RHOT2: variants seen among roughly 807,000 people sequenced by gnomAD.
RHOT2 encodes the protein mitochondrial Rho GTPase 2.
A neutral mutation model predicts 81.6 loss-of-function variants in RHOT2; 90 were observed. The observed-to-expected ratio is 1.10, with a 90% CI of 0.93 to 1.31. RHOT2 has a LOEUF of 1.31. Among genes scored for constraint, RHOT2 ranks in the 40% most tolerant of loss-of-function variants. The pLI, the probability that RHOT2 is intolerant of heterozygous loss-of-function variation, is 0.00. For synonymous variants in RHOT2, 512 were observed against 370.9 expected (o/e 1.38, Z -4.37); for missense variants, 1,014 against 841.9 (o/e 1.20, Z -2.53).
At position 669,766 on chromosome 16, in the gene RHOT2, C is replaced by G. The variant is rs372289467; in HGVS notation, c.276+160C>G. On this transcript the variant is annotated intron_variant, in intron 5 of 18. Transcript: ENST00000315082. ...GAGTCACCCGGCCCTCTCCTGTGAT[C>G]CCACTTCCCCTGAGAGGGTCTGGGG... 1,171 of 716,818 alleles carry G rather than the reference C, an allele frequency of 1.6e-3. 22 individuals carry two copies. In the South Asian group the frequency reaches 0.019, roughly 11 times the overall value. The allele number at this position is 716,818 out of a possible 1,614,324, so 44.4% of individuals were successfully genotyped here.
chr16:669,448 T>C, intron 4 of RHOT2, 105 bp from the exon 5 acceptor site: 1 of 1,140,264 alleles, frequency 8.8e-7, no homozygotes, highest in East Asian at 2.5e-5. Flanking sequence ...ATGCTACCTG[T>C]GAGCTTCTGG....
In RHOT2 at chr16:672,389, G is replaced by T. The variant is rs774842942; in HGVS notation, c.1326+5G>T. 1 of 1,609,142 alleles carries T rather than the reference G, an allele frequency of 6.2e-7. No individual in the cohort carries two copies. On this transcript the variant is annotated splice_donor_5th_base_variant and intron_variant, in intron 15 of 18. Coordinates refer to ENST00000315082, the MANE Select transcript of RHOT2 (RefSeq NM_138769.3). ...TTTCTCGGCCGCGGCCTGGGGGTAA[G>T]CACCCTAGACTCCCCCACCACCCCA...
intron 15 of RHOT2, 45 bp downstream of exon 15, chr16:672,429 A>G: frequency 6.2e-7 from 1 of 1,608,416 alleles, no homozygotes; most frequent in Non-Finnish European, 8.5e-7. Flanking sequence ...CTCCAGGGGC[A>G]GGGCAGGGCA....
rs1413536774 is a variant in RHOT2 at position 671,173 on chromosome 16, T to C, written c.839T>C (p.Leu280Pro). The C allele has an allele frequency of 1.8e-5, 28 of 1,577,310 alleles. No homozygotes were observed. Among genetic ancestry groups the C allele is most frequent in the African/African-American group, 2.7e-5 (2 of 73,814 alleles). ...ILRRFGYSDALELTADYLSPL... is the reference protein window; with the variant it reads ...ILRRFGYSDAPELTADYLSPL... ...CGGCGCTTCGGCTACAGCGATGCCCTGGAGCTGACTGCGGACTATCTCTCC... is the reference window on the plus strand; with the variant it reads ...CGGCGCTTCGGCTACAGCGATGCCCCGGAGCTGACTGCGGACTATCTCTCC... Residue 280 changes from leucine (L) to proline (P), a missense_variant, in exon 11 of 19, where the codon CTG becomes CCG. Physicochemically the swap from Leu to Pro is moderately conservative, Grantham distance 98 (BLOSUM62 -3). Transcript: ENST00000315082.
intron 11 of RHOT2, among the ~76,000 whole-genome samples, chr16:671,479 G>A (rs1180632729): frequency 1.3e-5 from 2 of 152,210 alleles, no homozygotes; most frequent in African/African-American, 4.8e-5. Flanking sequence ...TCGGCAGCTT[G>A]GGGTGTGGCC....
intron 11 of RHOT2, chr16:671,420 G>GGGGGGGGGC: frequency 1.9e-6 from 1 of 520,640 alleles, no homozygotes; most frequent in Non-Finnish European, 3.4e-6. Flanking sequence ...GGGTGGGGGG[G>GGGGGGGGGC]CTGGCCCTTT....
At chr16:671,059 TC>T (rs751795239) in intron 10 of RHOT2, 23 bp from the exon 11 acceptor site, 6 of 1,605,444 alleles carry the variant, frequency 3.7e-6, no homozygotes, top group Non-Finnish European at 4.2e-6. Flanking sequence ...TGCCTGGTGC[TC>T]CCCCTGCTTT....
chr16:669,176 C>A, intron 4 of RHOT2: 1 of 403,266 alleles, frequency 2.5e-6, no homozygotes, highest in Non-Finnish European at 4.6e-6. Flanking sequence ...GAGGCAGGGG[C>A]CAAGGCGGCG....
In RHOT2 at chr16:670,259, A is replaced by C. The variant is rs755858247; in HGVS notation, c.340A>C (p.Ile114Leu). The C allele has an allele frequency of 2.7e-5, 43 of 1,612,466 alleles. No individual in the cohort carries two copies. The South Asian group carries it at 4.6e-4, about 17-fold the overall frequency. Residue 114 changes from isoleucine (I) to leucine (L), a missense_variant, in exon 7 of 19, where the codon ATC becomes CTC. Coordinates refer to ENST00000315082, the MANE Select transcript of RHOT2 (RefSeq NM_138769.3). The part of the protein sequence containing the change: ...GTTQGPRVPI[I>L]LVGNKSDLRS... ...GGGCCTTCAACCCAGGGTGCCCATC[A>C]TCCTAGTGGGCAACAAGTCAGACCT...
intron 11 of RHOT2, 110 bp from the exon 12 acceptor site, chr16:671,587 T>A: frequency 8.2e-7 from 1 of 1,219,094 alleles, no homozygotes; most frequent in Non-Finnish European, 1.2e-6. Context: ...AGCCTCTGGG[T>A]CCTGTAGGGA....
chr16:669,798 G>A (rs375161004), intron 5 of RHOT2, 192 bp downstream of exon 5: 9 of 646,792 alleles, frequency 1.4e-5, no homozygotes, highest in East Asian at 1.1e-4. Context: ...GGGGCGTCCC[G>A]CAGTCTGAGC....
In RHOT2 at chr16:670,656, T is replaced by C. The variant is rs755377545; in HGVS notation, c.541-19T>C. 4 of 1,611,092 alleles carry C rather than the reference T, an allele frequency of 2.5e-6. No individual in the cohort carries two copies. Among genetic ancestry groups the C allele is most frequent in the South Asian group, 2.2e-5 (2 of 91,060 alleles). On this transcript the variant is annotated intron_variant, in intron 8 of 18. Transcript: ENST00000315082. ...GTCGGCGTGGGTCACCTGAGGGTGC[T>C]GAGCCAACATCCCCACAGTTGAGGC...
chr16:668,888 G>A (rs753483436), intron 4 of RHOT2, 189 bp downstream of exon 4: 2 of 573,318 alleles, frequency 3.5e-6, no homozygotes, highest in Non-Finnish European at 6.0e-6. Flanking sequence ...CAGTCCAGTG[G>A]TGCTCCAGGG....
At position 673,660 on chromosome 16, in the gene RHOT2, G is replaced by T. The variant is rs2039331548; in HGVS notation, c.*54G>T. 1.3e-6 allele frequency: 2 copies of T among 1,570,948 alleles called. No homozygotes were observed. The highest frequency in any genetic ancestry group is 2.3e-5 in the South Asian group (2 of 86,330). On this transcript the variant is annotated 3_prime_UTR_variant, in exon 19 of 19. Transcript: ENST00000315082. Reference sequence around the variant, plus strand: ...GACCTGGGTGTGCCTCGCTGCTGGGGCTCTGCAGGGGCAGCACAGCTGGGG... The same window carrying T: ...GACCTGGGTGTGCCTCGCTGCTGGGTCTCTGCAGGGGCAGCACAGCTGGGG...
At chr16:672,902 T>TGCCTCGGCC in intron 17 of RHOT2, 26 bp from the exon 18 acceptor site, 1 of 1,612,724 alleles carries the variant, frequency 6.2e-7, no homozygotes, top group Non-Finnish European at 8.5e-7. Flanking sequence ...CCCAGGACTG[T>TGCCTCGGCC]ACCTCATACC....
chr16:671,834 A>G lies in RHOT2; in HGVS notation c.955-26A>G. 2.4e-6 allele frequency: 3 copies of G among 1,249,776 alleles called. No individual in the cohort carries two copies. In the Admixed American group the frequency reaches 6.7e-5, roughly 28 times the overall value. 77.4% of individuals were successfully genotyped at this position (1,249,776 alleles called of 1,614,324 possible). A position where few individuals can be genotyped will look rare whatever the true frequency, so the allele number is the denominator to read the frequency against. On this transcript the variant is annotated intron_variant, in intron 12 of 18. Transcript: ENST00000315082. The stretch of plus-strand genomic sequence containing the variant: ...TGCCCCCGCCCCCTCCCCGGCACAC[A>G]CATCACCACATCCCTCCTTCTGCAG...
intron 8 of RHOT2, 23 bp from the exon 9 acceptor site, chr16:670,652 G>A (rs754386824): frequency 5.6e-6 from 9 of 1,610,710 alleles, no homozygotes; most frequent in Non-Finnish European, 7.6e-6. Context: ...TCACCTGAGG[G>A]TGCTGAGCCA....
chr16:668,507 A>G lies in RHOT2; in HGVS notation c.116A>G (p.Glu39Gly), dbSNP rs1242820853. The G allele has an allele frequency of 6.2e-7, 1 of 1,607,950 alleles. No homozygotes were observed. The highest frequency in any genetic ancestry group is 8.5e-7 in the Non-Finnish European group (1 of 1,178,034). ...FPEEVPPRAE[E>G]ITIPADVTPE... ...TTGCAGGTCCCTCCCCGCGCGGAGG[A>G]GATCACCATCCCCGCGGACGTCACC... Residue 39 changes from glutamate (E) to glycine (G), a missense_variant, in exon 3 of 19, where the codon GAG becomes GGG. By Grantham distance (98) the Glu-to-Gly change is moderately conservative (BLOSUM62 -2). Coordinates refer to ENST00000315082, the MANE Select transcript of RHOT2 (RefSeq NM_138769.3).
rs77036513 is a variant in RHOT2, at chr16:671,481, G to A, written c.870-216G>A. On this transcript the variant is annotated intron_variant, in intron 11 of 18. Transcript: ENST00000315082. The stretch of plus-strand genomic sequence containing the variant: ...TACCCTGCTGGGGTCGGCAGCTTGG[G>A]GTGTGGCCTGTGGGCCTCAGCCAGG... Among the ~76,000 whole-genome samples the A allele has an allele frequency of 5.3e-3, 814 of 152,300 alleles. 4 individuals carry two copies. Among genetic ancestry groups the A allele is most frequent in the African/African-American group, 0.018 (766 of 41,562 alleles).
Sources: gnomAD v4.1 joint callset for allele counts (sites outside exome capture counted in the v4.1 genomes callset) on GRCh38, gnomAD v4.1.1 for gene constraint, MANE v1.5 for transcripts, NCBI Gene and HGNC (gene_info 2026-07-23, HGNC 2026-07-21) for gene names.